The following AP1G1 variants were observed in gnomAD, a reference collection of about 807,000 sequenced individuals.
AP1G1 encodes AP-1 complex subunit gamma-1.
Under a neutral mutation model 108.3 loss-of-function variants are expected in AP1G1, and 7 were observed. The observed-to-expected ratio is 0.06, with a 90% CI of 0.04 to 0.12. The LOEUF (loss-of-function observed/expected upper bound fraction) is 0.12. Ranked by LOEUF, AP1G1 falls within the 10% of genes least tolerant of loss-of-function variation. The pLI, the probability that AP1G1 is intolerant of heterozygous loss-of-function variation, is 1.00. For synonymous variants in AP1G1, 379 were observed against 353.5 expected, an observed-to-expected ratio of 1.07 and a Z score of -0.81; for missense variants, 756 against 1,010.7, an observed-to-expected ratio of 0.75 and a Z score of 3.42.
At chr16:71,792,448 T>C (rs149910743) in intron 1 of AP1G1, among the ~76,000 whole-genome samples, 1 of 152,268 alleles carries the variant, frequency 6.6e-6, no homozygotes, top group Non-Finnish European at 1.5e-5. Flanking sequence ...TCCCAGCCCT[T>C]TCCAACCCTG....
rs769982026 is a variant in AP1G1 at position 71,765,675 on chromosome 16, G to C, written c.643-91C>G. On this transcript the variant is annotated intron_variant, in intron 6 of 22. Transcript: ENST00000299980. ...CCTTTGGTTTAGAAAAAGGGTGTAA[G>C]GGTCCCAGTCCAAGCAAATTCTACT... is the stretch of plus-strand genomic sequence containing the variant. 5 of 997,636 alleles carry C rather than the reference G, an allele frequency of 5.0e-6. No individual in the cohort carries two copies. In the South Asian group the frequency reaches 6.6e-5, roughly 13 times the overall value. 61.8% of individuals were successfully genotyped at this position (997,636 alleles called of 1,614,324 possible). A position where few individuals can be genotyped will look rare whatever the true frequency, so the allele number is the denominator to read the frequency against.
intron 2 of AP1G1, among the ~76,000 whole-genome samples, chr16:71,784,183 A>G (rs1055344901): frequency 2.0e-5 from 3 of 152,242 alleles, no homozygotes; most frequent in Non-Finnish European, 2.9e-5. Flanking sequence ...CTTTTTATAT[A>G]CAAAATGTGT....
At chr16:71,782,540 G>A (rs1168465996) in intron 2 of AP1G1, among the ~76,000 whole-genome samples, 2 of 151,718 alleles carry the variant, frequency 1.3e-5, no homozygotes, top group African/African-American at 4.8e-5. Context: ...AGGGTGGAGT[G>A]CAGTGGCGCA....
At chr16:71,795,487 A>C (rs930512635) in intron 1 of AP1G1, among the ~76,000 whole-genome samples, 3 of 152,200 alleles carry the variant, frequency 2.0e-5, no homozygotes, top group African/African-American at 7.2e-5. Context: ...GATGTAAGTT[A>C]ACATCAGGCA....
intron 2 of AP1G1, among the ~76,000 whole-genome samples, chr16:71,779,995 G>T (rs113586451): frequency 0.04 from 5,215 of 129,494 alleles, 321 homozygotes; most frequent in African/African-American, 0.14. Flanking sequence ...GTTTTTTTTT[G>T]TTTTTTTTTT....
chr16:71,802,601 G>A (rs2032844547), intron 1 of AP1G1, among the ~76,000 whole-genome samples: 1 of 152,178 alleles, frequency 6.6e-6, no homozygotes, highest in Middle Eastern at 3.4e-3. Context: ...ATGGTGGCGG[G>A]CGCCTGTAAT....
chr16:71,764,823 A>T, intron 7 of AP1G1, 97 bp from the exon 8 acceptor site: 1 of 725,050 alleles, frequency 1.4e-6, no homozygotes, highest in Non-Finnish European at 2.3e-6. Context: ...AGTCTTAGAA[A>T]TTCATTTGGA....
At chr16:71,733,242 C>A (rs531456587) in intron 22 of AP1G1, 83 bp from the exon 23 acceptor site, 4 of 1,133,160 alleles carry the variant, frequency 3.5e-6, no homozygotes, top group African/African-American at 1.5e-5. Context: ...GACTTTTAAT[C>A]TTAGAGGTCA....
At chr16:71,808,415 G>T in intron 1 of AP1G1, 2 of 1,114,026 alleles carry the variant, frequency 1.8e-6, no homozygotes, top group Non-Finnish European at 2.3e-6. Flanking sequence ...ACACGCGGGG[G>T]TGGGGCCCGC....
chr16:71,783,421 ATAAT>A (rs1055943187), intron 2 of AP1G1, among the ~76,000 whole-genome samples: 14 of 152,338 alleles, frequency 9.2e-5, no homozygotes, highest in South Asian at 2.1e-4. Flanking sequence ...GATCTACAAC[ATAAT>A]TATTTAAAAT....
Position 71,764,845 on chromosome 16 carries a change from A to G in AP1G1, c.739-119T>C, listed in dbSNP as rs917455489. On this transcript the variant is annotated intron_variant, in intron 7 of 22. Transcript: ENST00000299980. ...GAAATTCATTTGGAACCATTTATTC[A>G]TATCAGAAATAGTCAAAAATCAAAC... 17 of 634,788 alleles carry G rather than the reference A, an allele frequency of 2.7e-5. 1 individual carries two copies. Among genetic ancestry groups the G allele is most frequent in the Admixed American group, 1.7e-4 (5 of 29,260 alleles). The allele number at this position is 634,788 out of a possible 1,614,324, so 39.3% of individuals were successfully genotyped here.
chr16:71,797,397 C>T (rs1024583366), intron 1 of AP1G1, among the ~76,000 whole-genome samples: 4 of 151,968 alleles, frequency 2.6e-5, no homozygotes, highest in African/African-American at 9.7e-5. Context: ...TTAACAAAAA[C>T]GTATAAATAA....
At position 71,776,985 on chromosome 16, in the gene AP1G1, T is replaced by G. The variant is rs370420462; in HGVS notation, c.202-2393A>C. On this transcript the variant is annotated intron_variant, in intron 2 of 22. Transcript: ENST00000299980. ...TTAGCCAGGTGTGGTGGTGGGCGCCTGTAATCCCAGCTACTCGGGAGGCTG... is the reference window on the plus strand; with the variant it reads ...TTAGCCAGGTGTGGTGGTGGGCGCCGGTAATCCCAGCTACTCGGGAGGCTG... 1.3e-4 allele frequency among the ~76,000 whole-genome samples: 19 copies of G among 151,348 alleles called. No individual in the cohort carries two copies. In the East Asian group the frequency reaches 2.9e-3, roughly 23 times the overall value.
At chr16:71,798,960 C>T (rs1242007921) in intron 1 of AP1G1, among the ~76,000 whole-genome samples, 2 of 150,980 alleles carry the variant, frequency 1.3e-5, no homozygotes, top group African/African-American at 4.9e-5. Flanking sequence ...ATTAACATTC[C>T]ATAAGCGCTC....
chr16:71,738,284 C>G (rs2045575264), intron 21 of AP1G1, among the ~76,000 whole-genome samples: 3 of 151,544 alleles, frequency 2.0e-5, no homozygotes, highest in African/African-American at 7.3e-5. Flanking sequence ...TTCTCGAACT[C>G]CTGATCTCAA....
chr16:71,761,376 G>C, intron 10 of AP1G1, 136 bp downstream of exon 10: 2 of 703,790 alleles, frequency 2.8e-6, no homozygotes, highest in Non-Finnish European at 5.0e-6. Context: ...AGTGTTTTAA[G>C]ACCAGAAAAA....
In AP1G1 at chr16:71,745,534, T is replaced by A. The variant is rs2030128458; in HGVS notation, c.1811A>T (p.Glu604Val). The change falls in exon 18 of 23, where the codon GAG becomes GTG. Residue 604 changes from glutamate (E) to valine (V), a missense_variant. Physicochemically the swap from Glu to Val is moderately radical, Grantham distance 121. This residue lies in a region of AP1G1 where 357 missense variants were observed against 366.5 expected (regional missense o/e 0.97). Transcript: ENST00000299980. Reference sequence around the variant, plus strand: ...GGTCTCTAGTGGAGCTGGTTCTGTCTCTCCATTTGTCTGCACAATCTCAGT... The same window carrying A: ...GGTCTCTAGTGGAGCTGGTTCTGTCACTCCATTTGTCTGCACAATCTCAGT... ...GPTEIVQTNG[E>V]TEPAPLETKP... 6.2e-7 allele frequency: 1 copy of A among 1,614,084 alleles called. No homozygotes were observed. The highest frequency in any genetic ancestry group is 8.5e-7 in the Non-Finnish European group (1 of 1,180,046).
intron 1 of AP1G1, among the ~76,000 whole-genome samples, chr16:71,796,671 A>C (rs1328256776): frequency 6.6e-6 from 1 of 152,186 alleles, no homozygotes; most frequent in African/African-American, 2.4e-5. Flanking sequence ...GATCACATTG[A>C]GATACCACCC....
At chr16:71,801,179 T>G (rs905926169) in intron 1 of AP1G1, among the ~76,000 whole-genome samples, 1 of 151,996 alleles carries the variant, frequency 6.6e-6, no homozygotes, top group Non-Finnish European at 1.5e-5. Flanking sequence ...TGGTGGCAGG[T>G]GCCTATAATC....
Sources: gnomAD v4.1 joint callset for allele counts (sites outside exome capture counted in the v4.1 genomes callset) on GRCh38, gnomAD v4.1.1 for gene constraint, gnomAD v4.1.1 regional missense constraint, MANE v1.5 for transcripts, NCBI Gene and HGNC (gene_info 2026-07-23, HGNC 2026-07-21) for gene names.